The following PPP6R2 variants were observed in gnomAD, a reference collection of about 807,000 sequenced individuals.
PPP6R2 encodes the protein serine/threonine-protein phosphatase 6 regulatory subunit 2.
PPP6R2 carries 62 observed loss-of-function variants against 100.2 expected under a neutral mutation model. The ratio of observed to expected loss-of-function variants is 0.62; its 90% confidence interval spans 0.50 to 0.76. The LOEUF (loss-of-function observed/expected upper bound fraction) is 0.76. Among genes scored for constraint, PPP6R2 ranks in the 30% least tolerant of loss-of-function variants. The pLI is 0.00. For missense variants in PPP6R2, 1,142 were observed against 1,276.3 expected (o/e 0.89, Z 1.60); for synonymous variants, 525 against 514.7 (o/e 1.02, Z -0.27).
At chr22:50,444,175 T>C in intron 23 of PPP6R2, 24 bp from the exon 24 acceptor site, 1 of 1,612,782 alleles carries the variant, frequency 6.2e-7, no homozygotes, top group Non-Finnish European at 8.5e-7. Flanking sequence ...CCCGCACGGT[T>C]CCAACCCCAC....
chr22:50,437,512 TCTGA>T lies in PPP6R2; in HGVS notation c.1693_1696del (p.Asp565ThrfsTer6). 1.2e-6 allele frequency: 1 copy of T among 855,482 alleles called. No homozygotes were observed. Among genetic ancestry groups the T allele is most frequent in the Non-Finnish European group, 1.8e-6 (1 of 564,620 alleles). 53.0% of individuals were successfully genotyped at this position (855,482 alleles called of 1,614,324 possible). A position where few individuals can be genotyped will look rare whatever the true frequency, so the allele number is the denominator to read the frequency against. ...CTCCCTCCCTCCCTCCCAGGCCTTC[TCTGA>T]CTACCAGATCCAGCAGATGACAGCC... is the stretch of plus-strand genomic sequence containing the variant. On this transcript the variant is annotated frameshift_variant, in exon 16 of 24. Transcript: ENST00000612753. LOFTEE classifies it high-confidence loss of function.
chr22:50,410,516 G>A (rs1204806058), intron 4 of PPP6R2, among the ~76,000 whole-genome samples: 5 of 126,086 alleles, frequency 4.0e-5, no homozygotes, highest in Non-Finnish European at 6.3e-5. Context: ...TTGCTCTGTC[G>A]TCCAGGCTGG....
At chr22:50,435,690 T>C (rs532875707) in intron 13 of PPP6R2, among the ~76,000 whole-genome samples, 3 of 152,136 alleles carry the variant, frequency 2.0e-5, no homozygotes, top group Non-Finnish European at 4.4e-5. Flanking sequence ...ACTCCTGGGT[T>C]GGGCTCCATT....
At chr22:50,332,473 G>A in the PPP6R2 span, among the ~76,000 whole-genome samples, 2 of 148,782 alleles carry the variant, frequency 1.3e-5, no homozygotes, top group African/African-American at 2.5e-5. Context: ...CTCGTGATCC[G>A]CCTGTCTCAG....
chr22:50,339,368 GGC>G (rs1569218830), upstream of PPP6R2, among the ~76,000 whole-genome samples: 1 of 144,144 alleles, frequency 6.9e-6, no homozygotes. Context: ...TGGTGTGTGT[GGC>G]TTGCGTGTGG....
chr22:50,363,308 A>G (rs1354206177), intron 1 of PPP6R2, among the ~76,000 whole-genome samples: 5 of 152,140 alleles, frequency 3.3e-5, no homozygotes, highest in Non-Finnish European at 7.4e-5. Flanking sequence ...TTAAGTTGCA[A>G]TCTGTGCTTT....
rs574286357 is a variant in PPP6R2, at chr22:50,353,291, C to T, written c.-148+9741C>T. 2.6e-5 allele frequency among the ~76,000 whole-genome samples: 4 copies of T among 152,236 alleles called. No homozygotes were observed. In the East Asian group the frequency reaches 5.8e-4, roughly 22 times the overall value. Reference sequence around the variant, plus strand: ...TTTGATCGAAATGAGAGACATGTGACTCTTCCTTTCCTACAGGATTAATTG... The same window carrying T: ...TTTGATCGAAATGAGAGACATGTGATTCTTCCTTTCCTACAGGATTAATTG... On this transcript the variant is annotated intron_variant, in intron 1 of 23. Coordinates refer to ENST00000612753, the MANE Select transcript of PPP6R2 (RefSeq NM_001242898.2).
chr22:50,367,204 G>A (rs888423247), intron 1 of PPP6R2, among the ~76,000 whole-genome samples: 6 of 151,926 alleles, frequency 3.9e-5, no homozygotes, highest in Admixed American at 3.3e-4. Context: ...AGGGGAGCGG[G>A]GGACGCCTGG....
intron 5 of PPP6R2, 119 bp downstream of exon 5, chr22:50,414,808 A>C: frequency 8.5e-7 from 1 of 1,173,006 alleles, no homozygotes; most frequent in Non-Finnish European, 1.2e-6. Context: ...CCTAGCGTGC[A>C]TTTCTCCGTG....
At chr22:50,335,540 TCTCA>T in the PPP6R2 span, among the ~76,000 whole-genome samples, 1 of 150,990 alleles carries the variant, frequency 6.6e-6, no homozygotes, top group African/African-American at 2.4e-5. Context: ...TGAGACGAAG[TCTCA>T]CTCTGTCGCC....
At chr22:50,353,871 A>C (rs1348213393) in intron 1 of PPP6R2, among the ~76,000 whole-genome samples, 4 of 149,214 alleles carry the variant, frequency 2.7e-5, no homozygotes, top group Non-Finnish European at 6.0e-5. Context: ...ATTTTTAAAA[A>C]ATTTTAATAG....
chr22:50,439,604 A>G, intron 19 of PPP6R2, 97 bp from the exon 20 acceptor site: 1 of 1,355,494 alleles, frequency 7.4e-7, no homozygotes, highest in Non-Finnish European at 9.8e-7. Context: ...CTTCCTGTCA[A>G]CCTCTGAGGG....
rs1368793755 is a variant in PPP6R2 at position 50,445,005 on chromosome 22, C to CGTT, written c.*760_*762dup. The stretch of plus-strand genomic sequence containing the variant: ...TAGAAGGGTCCAGAAGATTATTTTA[C>CGTT]GTTGAGTCCATTTTTAATGTTCTGA... On this transcript the variant is annotated 3_prime_UTR_variant, in exon 24 of 24. Coordinates refer to ENST00000612753, the MANE Select transcript of PPP6R2 (RefSeq NM_001242898.2). 2.0e-5 allele frequency: 3 copies of CGTT among 152,568 alleles called. No homozygotes were observed. The highest frequency in any genetic ancestry group is 7.2e-5 in the African/African-American group (3 of 41,434). The allele number at this position is 152,568 out of a possible 1,614,324, so 9.5% of individuals were successfully genotyped here. A position where few individuals can be genotyped will look rare whatever the true frequency, so the allele number is the denominator to read the frequency against.
chr22:50,423,486 G>A lies in PPP6R2; in HGVS notation c.997G>A (p.Gly333Ser). The A allele has an allele frequency of 6.2e-7, 1 of 1,614,210 alleles. No individual in the cohort carries two copies. The highest frequency in any genetic ancestry group is 8.5e-7 in the Non-Finnish European group (1 of 1,180,036). Reference sequence around the variant, plus strand: ...GAAGAAAGCGATCCTGACCACCATTGGTGTGCTGGAGGAGCCCCTGGGGAA... The same window carrying A: ...GAAGAAAGCGATCCTGACCACCATTAGTGTGCTGGAGGAGCCCCTGGGGAA... ...PKKKAILTTI[G>S]VLEEPLGNAR... is the part of the protein sequence containing the mutation. Residue 333 changes from glycine (G) to serine (S), a missense_variant, in exon 10 of 24, where the codon GGT becomes AGT. This residue lies in a region of PPP6R2 where 592 missense variants were observed against 758.9 expected (regional missense o/e 0.78). Coordinates refer to ENST00000612753, the MANE Select transcript of PPP6R2 (RefSeq NM_001242898.2). The surrounding 1 kb of genome is among the most constrained non-coding windows in gnomAD (Gnocchi z 4.8).
the PPP6R2 span, among the ~76,000 whole-genome samples, chr22:50,331,715 C>T: frequency 2.4e-4 from 37 of 152,078 alleles, no homozygotes; most frequent in African/African-American, 9.7e-5. Flanking sequence ...CTCTGCCTCC[C>T]GAGTTCAAGC....
chr22:50,437,639 G>C (rs370407277), intron 16 of PPP6R2, 36 bp downstream of exon 16: 1 of 1,531,076 alleles, frequency 6.5e-7, no homozygotes, highest in South Asian at 1.1e-5. Context: ...CACGAGGCGC[G>C]GCTCTCCCTG....
At chr22:50,398,211 G>A (rs2057419129) in intron 3 of PPP6R2, among the ~76,000 whole-genome samples, 1 of 143,068 alleles carries the variant, frequency 7.0e-6, no homozygotes, top group Non-Finnish European at 1.5e-5. Context: ...TCACTCTGTC[G>A]CCCAGGCTGG....
intron 3 of PPP6R2, among the ~76,000 whole-genome samples, chr22:50,396,709 A>G (rs1052463969): frequency 4.1e-4 from 62 of 152,312 alleles, no homozygotes; most frequent in Middle Eastern, 6.8e-3. Context: ...TAGAAGGAAG[A>G]TAAAGCAGGA....
At position 50,441,106 on chromosome 22, in the gene PPP6R2, C is replaced by T. The variant is rs572097841; in HGVS notation, c.2579+80C>T. The T allele has an allele frequency of 2.4e-5, 30 of 1,229,278 alleles. No individual in the cohort carries two copies. The African/African-American group carries it at 3.2e-4, about 13-fold the overall frequency. 76.1% of individuals were successfully genotyped at this position (1,229,278 alleles called of 1,614,324 possible). ...GGCTCTGTCCCCAGGTCTCAGCTCC[C>T]CTGAGAGGAGGTGAGGCCAGGCCAG... is the stretch of plus-strand genomic sequence containing the variant. On this transcript the variant is annotated intron_variant, in intron 22 of 23. Transcript: ENST00000612753.
Sources: allele counts gnomAD v4.1 joint callset (sites outside exome capture counted in the v4.1 genomes callset), GRCh38; gene constraint gnomAD v4.1.1; regional missense constraint gnomAD v4.1.1; non-coding constraint Gnocchi (gnomAD v3.1); transcripts MANE v1.5; gene names NCBI Gene and HGNC (gene_info 2026-07-23, HGNC 2026-07-21).